Variants in CPAMD8 observed in about 807,000 individuals in gnomAD.
CPAMD8 encodes the protein C3 and PZP-like alpha-2-macroglobulin domain-containing protein 8.
In CPAMD8, 146 loss-of-function variants were observed where a neutral mutation model predicts 224.7. That is an observed-to-expected ratio of 0.65 (90% CI 0.57 to 0.75). CPAMD8 has a LOEUF of 0.75. CPAMD8 is among the 30% of genes least tolerant of loss of function. The pLI is 0.00. For missense variants in CPAMD8, 2,301 were observed against 2,537.5 expected (o/e 0.91, Z 2.00); for synonymous variants, 966 against 1,044.6 (o/e 0.92, Z 1.45).
chr19:16,970,241 A>G (rs1434752367), intron 18 of CPAMD8, among the ~76,000 whole-genome samples: 2 of 145,340 alleles, frequency 1.4e-5, no homozygotes, highest in Non-Finnish European at 3.1e-5. Context: ...TCTGTCTCAA[A>G]AAAAAAAAAA....
chr19:16,901,795 G>A (rs1433240410), intron 35 of CPAMD8, among the ~76,000 whole-genome samples: 1 of 152,198 alleles, frequency 6.6e-6, no homozygotes, highest in Non-Finnish European at 1.5e-5. Flanking sequence ...CTTCCTATAG[G>A]GCGTTGGGGA....
chr19:16,999,552 T>C (rs377302302), intron 10 of CPAMD8, among the ~76,000 whole-genome samples: 2 of 141,684 alleles, frequency 1.4e-5, no homozygotes, highest in East Asian at 4.1e-4. Context: ...GCCATTGCAC[T>C]CCAGCCTGGG....
chr19:16,981,133 G>T (rs760968649), intron 13 of CPAMD8, among the ~76,000 whole-genome samples: 6 of 151,714 alleles, frequency 4.0e-5, no homozygotes, highest in Non-Finnish European at 7.4e-5. Flanking sequence ...CGGACAGATC[G>T]CTCAAGTCCA....
At chr19:16,977,806 TG>T (rs2122726687) in intron 14 of CPAMD8, among the ~76,000 whole-genome samples, 1 of 152,212 alleles carries the variant, frequency 6.6e-6, no homozygotes, top group Non-Finnish European at 1.5e-5. Context: ...CCGGGGAACA[TG>T]GTCCCTGCTC....
chr19:16,980,407 C>T (rs2055466289), intron 14 of CPAMD8, 90 bp downstream of exon 14: 1 of 1,282,330 alleles, frequency 7.8e-7, no homozygotes, highest in Non-Finnish European at 1.1e-6. Context: ...TCTGCTGGGT[C>T]TTGCCTTGTC....
chr19:16,912,443 G>T (rs1340671705), intron 29 of CPAMD8, among the ~76,000 whole-genome samples: 2 of 152,214 alleles, frequency 1.3e-5, no homozygotes, highest in Non-Finnish European at 2.9e-5. Flanking sequence ...GGCCTGTTGA[G>T]TGTTCACTGA....
At chr19:16,996,810 C>A (rs1173251213) in intron 11 of CPAMD8, among the ~76,000 whole-genome samples, 1 of 105,218 alleles carries the variant, frequency 9.5e-6, no homozygotes, top group African/African-American at 3.9e-5. Context: ...TGGAGTGTGA[C>A]TATCTCTAAA....
In CPAMD8 at chr19:16,955,288, C is replaced by CT. The variant is rs1275691751; in HGVS notation, c.2276+2564_2276+2565insA. On this transcript the variant is annotated intron_variant, in intron 19 of 41. Coordinates refer to ENST00000443236, the MANE Select transcript of CPAMD8 (RefSeq NM_015692.5). ...CCAGCCTGGTGACAGAGCAAGACTC[C>CT]ATCTCAAGAAAAAAAAAAAAAAGAG... Among the ~76,000 whole-genome samples the CT allele has an allele frequency of 9.4e-5, 13 of 138,552 alleles. No individual in the cohort carries two copies. The East Asian group carries it at 2.4e-3, about 25-fold the overall frequency. 90.9% of individuals were successfully genotyped at this position (138,552 alleles called of 152,430 possible).
Position 16,970,881 on chromosome 19 carries a change from A to G in CPAMD8, c.2213+10T>C, listed in dbSNP as rs751346793. ...GGTTAGAAAACCTTGCTCAATGTATAAGCCGTTACCTGGGGGGGTGCCTGG... is the reference window on the plus strand; with the variant it reads ...GGTTAGAAAACCTTGCTCAATGTATGAGCCGTTACCTGGGGGGGTGCCTGG... On this transcript the variant is annotated intron_variant, in intron 18 of 41. Transcript: ENST00000443236. The G allele has an allele frequency of 6.2e-7, 1 of 1,612,900 alleles. No homozygotes were observed. The highest frequency in any genetic ancestry group is 8.5e-7 in the Non-Finnish European group (1 of 1,179,556).
chr19:16,928,209 T>C lies in CPAMD8; in HGVS notation c.3170A>G (p.Asn1057Ser), dbSNP rs375296622. 4.2e-5 allele frequency: 67 copies of C among 1,613,858 alleles called. No individual in the cohort carries two copies. The highest frequency in any genetic ancestry group is 5.3e-5 in the Non-Finnish European group (62 of 1,180,036). ...IQVGHGPEPS[N>S]ESVIVAWTLP... ...GGTCCAGGCCACAATGACAGACTCA[T>C]TGGATGGCTCTGGACCATGGCCAAC... Residue 1057 changes from asparagine (N) to serine (S), a missense_variant, in exon 25 of 42, where the codon AAT becomes AGT. Asn to Ser is a conservative substitution (Grantham distance 46, BLOSUM62 1). Coordinates refer to ENST00000443236, the MANE Select transcript of CPAMD8 (RefSeq NM_015692.5).
chr19:16,905,393 A>G lies in CPAMD8; in HGVS notation c.4028-841T>C, dbSNP rs1403272570. Among the ~76,000 whole-genome samples the G allele has an allele frequency of 2.6e-5, 4 of 151,934 alleles. No individual in the cohort carries two copies. In the East Asian group the frequency reaches 7.7e-4, roughly 29 times the overall value. On this transcript the variant is annotated intron_variant, in intron 30 of 41. Coordinates refer to ENST00000443236, the MANE Select transcript of CPAMD8 (RefSeq NM_015692.5). ...TCAGGAGTTCGAGACCAGCCTGACT[A>G]ACATGGAGAAACTCATCTCTACTAA...
chr19:16,964,452 A>C (rs2054758303), intron 18 of CPAMD8, among the ~76,000 whole-genome samples: 1 of 152,228 alleles, frequency 6.6e-6, no homozygotes, highest in Non-Finnish European at 1.5e-5. Flanking sequence ...GAAATGGATA[A>C]ATTCCTGGAC....
chr19:17,000,610 G>T, intron 9 of CPAMD8, 88 bp from the exon 10 acceptor site: 1 of 685,990 alleles, frequency 1.5e-6, no homozygotes. Flanking sequence ...GACATAGTGT[G>T]GCCACTAGTA....
intron 13 of CPAMD8, among the ~76,000 whole-genome samples, chr19:16,987,551 T>C (rs981444524): frequency 6.6e-6 from 1 of 152,126 alleles, no homozygotes; most frequent in Non-Finnish European, 1.5e-5. Context: ...ATATTTTCCT[T>C]CCTGTAGCTT....
Position 16,997,223 on chromosome 19 carries a change from C to T in CPAMD8, c.983G>A (p.Ser328Asn), listed in dbSNP as rs1365347149. 1 of 1,560,194 alleles carries T rather than the reference C, an allele frequency of 6.4e-7. No individual in the cohort carries two copies. The highest frequency in any genetic ancestry group is 1.7e-5 in the Admixed American group (1 of 59,770). The change falls in exon 11 of 42, where the codon AGC (serine) becomes AAC (asparagine). Residue 328 changes from serine (S) to asparagine (N), a missense_variant. By Grantham distance (46) the Ser-to-Asn change is conservative. Transcript: ENST00000443236. ...GGAGTCATCGAACGCGACCTGCTGG[C>T]TCCCGTCCACACTGGTCACCATGGC... is the stretch of plus-strand genomic sequence containing the variant. ...IWAMVTSVDG[S>N]QQVAFDDSTP...
At position 16,952,037 on chromosome 19, in the gene CPAMD8, G is replaced by C. The variant is rs751206652; in HGVS notation, c.2440C>G (p.Leu814Val). The change falls in exon 20 of 42, where the codon CTC (leucine) becomes GTC (valine). Residue 814 changes from leucine to valine, a missense_variant. Around this residue, in one of 4 missense-constraint regions of CPAMD8, gnomAD observed 1,709 missense variants for 1,753.2 expected, o/e 0.97. Transcript: ENST00000443236. ...TTGACCTGCTCCCCACGGATGATGA[G>C]AGCGGGGAGCATGAAGTCCACGAAG... is the stretch of plus-strand genomic sequence containing the variant. ...PFFVDFMLPALIIRGEQVKIP... is the reference protein window; with the variant it reads ...PFFVDFMLPAVIIRGEQVKIP... 52 of 1,583,850 alleles carry C rather than the reference G, an allele frequency of 3.3e-5. No individual in the cohort carries two copies. The highest frequency in any genetic ancestry group is 4.3e-5 in the Non-Finnish European group (50 of 1,163,402).
At chr19:16,983,460 C>T (rs1366649327) in intron 13 of CPAMD8, among the ~76,000 whole-genome samples, 2 of 151,930 alleles carry the variant, frequency 1.3e-5, no homozygotes, top group East Asian at 3.8e-4. Context: ...ATAAATTACC[C>T]AGTCGTGGGT....
At chr19:16,923,100 G>C (rs546076196) in intron 26 of CPAMD8, among the ~76,000 whole-genome samples, 1 of 152,248 alleles carries the variant, frequency 6.6e-6, no homozygotes. Flanking sequence ...TGGTGGTGCC[G>C]GGGACAGGGA....
chr19:16,982,800 C>T (rs2055562075), intron 13 of CPAMD8, among the ~76,000 whole-genome samples: 1 of 152,134 alleles, frequency 6.6e-6, no homozygotes, highest in South Asian at 2.1e-4. Flanking sequence ...GACTGTGCCA[C>T]CACCCTCCAG....
Sources: allele counts gnomAD v4.1 joint callset (sites outside exome capture counted in the v4.1 genomes callset), GRCh38; gene constraint gnomAD v4.1.1; regional missense constraint gnomAD v4.1.1; transcripts MANE v1.5; gene names NCBI Gene and HGNC (gene_info 2026-07-23, HGNC 2026-07-21).